The following PCDHGA1 variants were observed in gnomAD, a reference collection of about 807,000 sequenced individuals.
PCDHGA1 encodes protocadherin gamma subfamily A, 1.
In PCDHGA1, 32 loss-of-function variants were observed where a neutral mutation model predicts 58.0. That is an observed-to-expected ratio of 0.55 (90% CI 0.42 to 0.74). PCDHGA1 has a LOEUF of 0.74. Ranked by LOEUF, PCDHGA1 falls within the 30% of genes least tolerant of loss-of-function variation. The pLI is 0.00. For synonymous variants in PCDHGA1, 498 were observed against 501.1 expected (o/e 0.99, Z 0.08); for missense variants, 1,205 against 1,182.3 (o/e 1.02, Z -0.28).
chr5:141,457,416 C>T (rs1378171092), intron 1 of PCDHGA1, among the ~76,000 whole-genome samples: 1 of 152,172 alleles, frequency 6.6e-6, no homozygotes, highest in Non-Finnish European at 1.5e-5. Flanking sequence ...ATTACCCATC[C>T]CTTTTTCCCC....
At chr5:141,406,649 G>A (rs1447190497) in intron 1 of PCDHGA1, among the ~76,000 whole-genome samples, 2 of 152,098 alleles carry the variant, frequency 1.3e-5, no homozygotes, top group African/African-American at 2.4e-5. Flanking sequence ...ATTTCCTAAT[G>A]CTTTAATGTT....
At chr5:141,364,980 G>C in intron 1 of PCDHGA1, 1 of 1,613,870 alleles carries the variant, frequency 6.2e-7, no homozygotes, top group Middle Eastern at 1.6e-4. Flanking sequence ...GCTTTAGATG[G>C]CGGAGACCCG....
intron 1 of PCDHGA1, chr5:141,410,748 C>T (rs569108587): frequency 8.8e-6 from 11 of 1,245,288 alleles, no homozygotes; most frequent in Admixed American, 5.8e-5. Flanking sequence ...AATATTTTCT[C>T]AATGTTTTTT....
rs1220846578 is a variant in PCDHGA1, at chr5:141,331,716, C to T, written c.1032C>T (p.Ala344=). 1.2e-6 allele frequency: 2 copies of T among 1,613,936 alleles called. No homozygotes were observed. The highest frequency in any genetic ancestry group is 1.7e-6 in the Non-Finnish European group (2 of 1,180,008). The change falls in exon 1 of 4, where the codon GCC becomes GCT. Residue 344 remains alanine (A), a synonymous_variant. Coordinates refer to ENST00000517417, the MANE Select transcript of PCDHGA1 (RefSeq NM_018912.3). ...AAGTTTTGGATGTAAATGATAATGC[C>T]CCAGAAGTGACCATCACCTCTGTCA... ...LIKVLDVNDN[A]PEVTITSVTT... is the part of the protein sequence containing the mutation.
chr5:141,357,554 G>A (rs765378957), intron 1 of PCDHGA1: 1 of 1,614,220 alleles, frequency 6.2e-7, no homozygotes, highest in Non-Finnish European at 8.5e-7. Context: ...CGGGAGAGTT[G>A]TGAGAAAAGC....
At chr5:141,435,334 T>C (rs1223377462) in intron 1 of PCDHGA1, among the ~76,000 whole-genome samples, 1 of 152,196 alleles carries the variant, frequency 6.6e-6, no homozygotes, top group East Asian at 1.9e-4. Context: ...ATATAGTGAA[T>C]TTATTTCTTC....
chr5:141,396,112 A>G (rs916569843), intron 1 of PCDHGA1: 4 of 152,232 alleles, frequency 2.6e-5, no homozygotes, highest in Non-Finnish European at 2.9e-5. Flanking sequence ...TTAAGAACCA[A>G]TGTTTCAGGT....
At chr5:141,356,983 G>A (rs1401972827) in intron 1 of PCDHGA1, 2 of 1,614,118 alleles carry the variant, frequency 1.2e-6, no homozygotes, top group Non-Finnish European at 1.7e-6. Context: ...GGTGGCAGTG[G>A]ACAGAGACTC....
At chr5:141,457,791 A>G (rs554446263) in intron 1 of PCDHGA1, among the ~76,000 whole-genome samples, 1 of 152,318 alleles carries the variant, frequency 6.6e-6, no homozygotes, top group South Asian at 2.1e-4. Flanking sequence ...GAGTTGGGTT[A>G]TCCTCTCCTC....
chr5:141,413,207 C>CA lies in PCDHGA1; in HGVS notation c.2421+80105dup, dbSNP rs753988593. On this transcript the variant is annotated intron_variant, in intron 1 of 3. Transcript: ENST00000517417. The stretch of plus-strand genomic sequence containing the variant: ...GCTCAAAGGAATCGCTCAAAGGAAT[C>CA]AAAGGATTGCAGCGGGCTGGTCCTG... The CA allele has an allele frequency of 1.7e-5, 27 of 1,612,874 alleles. No homozygotes were observed. In the East Asian group the frequency reaches 6.0e-4, roughly 36 times the overall value.
At chr5:141,433,205 TTTC>T in intron 1 of PCDHGA1, 1 of 1,573,264 alleles carries the variant, frequency 6.4e-7, no homozygotes, top group Non-Finnish European at 8.6e-7. Context: ...TCAAATCTTC[TTTC>T]TTTTTTTTTT....
rs2099669219 is a variant in PCDHGA1, at chr5:141,487,927, C to T, written c.2422-6880C>T. 3 of 626,498 alleles carry T rather than the reference C, an allele frequency of 4.8e-6. No homozygotes were observed. Among genetic ancestry groups the T allele is most frequent in the Admixed American group, 5.9e-5 (2 of 34,100 alleles). The allele number at this position is 626,498 out of a possible 1,614,324, so 38.8% of individuals were successfully genotyped here. On this transcript the variant is annotated intron_variant, in intron 1 of 3. Coordinates refer to ENST00000517417, the MANE Select transcript of PCDHGA1 (RefSeq NM_018912.3). The surrounding 1 kb of genome is among the most constrained non-coding windows in gnomAD (Gnocchi z 5.0). ...TGGGAGCACAGGAGGCTACAGTGCA[C>T]AGGGTACAGTGCACCAGGCAGTCAC...
intron 1 of PCDHGA1, chr5:141,398,604 T>A: frequency 6.2e-7 from 1 of 1,614,048 alleles, no homozygotes; most frequent in Non-Finnish European, 8.5e-7. Flanking sequence ...TAGCAGAAGA[T>A]GCAGATATTG....
At chr5:141,367,574 ATC>A (rs1765238671) in intron 1 of PCDHGA1, 1 of 151,104 alleles carries the variant, frequency 6.6e-6, no homozygotes, top group Middle Eastern at 3.4e-3. Flanking sequence ...ATAAATAAAT[ATC>A]AGAAAAGTAG....
intron 1 of PCDHGA1, chr5:141,421,587 G>A: frequency 1.2e-6 from 2 of 1,613,900 alleles, no homozygotes; most frequent in South Asian, 1.1e-5. Context: ...TTTACGGAGT[G>A]GAGGTGGAAA....
chr5:141,345,029 G>A, intron 1 of PCDHGA1: 1 of 1,613,954 alleles, frequency 6.2e-7, no homozygotes, highest in Non-Finnish European at 8.5e-7. Context: ...CAAGAGCCAA[G>A]ATTCTAGTCA....
chr5:141,408,328 C>A, intron 1 of PCDHGA1: 1 of 1,613,910 alleles, frequency 6.2e-7, no homozygotes, highest in South Asian at 1.1e-5. Flanking sequence ...AGGAGCTGGC[C>A]AAGGGCTCGG....
chr5:141,485,109 CTGTT>C lies in PCDHGA1; in HGVS notation c.2422-9695_2422-9692del. ...AGATAGGTGTCTCCAGCTGCTGTGG[CTGTT>C]TGGGGCGGGTCGGCTTCATCCGCGT... On this transcript the variant is annotated intron_variant, in intron 1 of 3. Transcript: ENST00000517417. This position sits in a 1 kb window ranked among gnomAD's most constrained non-coding sequence, Gnocchi z 5.7. 8.1e-7 allele frequency: 1 copy of C among 1,230,964 alleles called. No individual in the cohort carries two copies. Among genetic ancestry groups the C allele is most frequent in the Non-Finnish European group, 1.2e-6 (1 of 850,026 alleles). The allele number at this position is 1,230,964 out of a possible 1,614,324, so 76.3% of individuals were successfully genotyped here.
chr5:141,356,110 T>A (rs1251778945), intron 1 of PCDHGA1: 1 of 1,613,716 alleles, frequency 6.2e-7, no homozygotes, highest in East Asian at 2.2e-5. Context: ...TATAACAATA[T>A]TGGGGGGTCT....
Sources: gnomAD v4.1 joint callset for allele counts (sites outside exome capture counted in the v4.1 genomes callset) on GRCh38, gnomAD v4.1.1 for gene constraint, Gnocchi (gnomAD v3.1) non-coding constraint, MANE v1.5 for transcripts, NCBI Gene and HGNC (gene_info 2026-07-23, HGNC 2026-07-21) for gene names.